Variants in MTOR observed in about 807,000 individuals in gnomAD.
MTOR encodes the protein mechanistic target of rapamycin kinase.
Under a neutral mutation model 319.8 loss-of-function variants are expected in MTOR, and 70 were observed. The ratio of observed to expected loss-of-function variants is 0.22; its 90% CI spans 0.18 to 0.27. The LOEUF is 0.27. Ranked by LOEUF, MTOR falls within the 10% of genes least tolerant of loss-of-function variation. MTOR has a pLI of 1.00. For missense variants in MTOR, 1,890 were observed against 3,274.4 expected (o/e 0.58, Z 10.32); for synonymous variants, 1,183 against 1,211.4 (o/e 0.98, Z 0.49).
chr1:11,237,565 T>C (rs1647372951), intron 13 of MTOR, among the ~76,000 whole-genome samples: 2 of 151,636 alleles, frequency 1.3e-5, no homozygotes, highest in Non-Finnish European at 2.9e-5. Context: ...GGCCAAGAAA[T>C]GGGATCACTG....
chr1:11,201,737 A>G (rs888880051), intron 26 of MTOR, among the ~76,000 whole-genome samples: 2 of 152,202 alleles, frequency 1.3e-5, no homozygotes, highest in Admixed American at 1.3e-4. Context: ...TTTAATTTTC[A>G]ATTTTGTATT....
chr1:11,127,083 T>G lies in MTOR; in HGVS notation c.6278A>C (p.Asn2093Thr). The change falls in exon 45 of 58, where the codon AAT becomes ACT. Residue 2093 changes from asparagine (N) to threonine (T), a missense_variant. Coordinates refer to ENST00000361445, the MANE Select transcript of MTOR (RefSeq NM_004958.4). The surrounding 1 kb of genome is among the most constrained non-coding windows in gnomAD (Gnocchi z 5.5). ...CCAGGCTTGGGTGAGGTCCTTGACA[T>G]TCCCTGATTTCATGTACTTCCTGCA... ...EWCRKYMKSG[N>T]VKDLTQAWDL... is the part of the protein sequence containing the mutation. 1 of 1,614,194 alleles carries G rather than the reference T, an allele frequency of 6.2e-7. No individual in the cohort carries two copies. Among genetic ancestry groups the G allele is most frequent in the Non-Finnish European group, 8.5e-7 (1 of 1,180,032 alleles).
intron 26 of MTOR, among the ~76,000 whole-genome samples, chr1:11,202,531 T>C (rs1022411437): frequency 1.6e-4 from 25 of 151,604 alleles, no homozygotes; most frequent in Non-Finnish European, 1.5e-5. Context: ...ATTCAGGTGA[T>C]GGTTCTACGA....
At chr1:11,237,648 C>G (rs1428189561) in intron 13 of MTOR, among the ~76,000 whole-genome samples, 195 bp downstream of exon 13, 1 of 152,090 alleles carries the variant, frequency 6.6e-6, no homozygotes, top group Non-Finnish European at 1.5e-5. Flanking sequence ...TGACAAAGGG[C>G]TCATGAGGTG....
chr1:11,177,285 C>T (rs1050020809), intron 28 of MTOR, among the ~76,000 whole-genome samples: 10 of 152,086 alleles, frequency 6.6e-5, no homozygotes, highest in African/African-American at 1.9e-4. Flanking sequence ...TGGCTAGGCG[C>T]GGTGGCTCAT....
At chr1:11,120,069 TTA>T (rs919746331) in intron 49 of MTOR, among the ~76,000 whole-genome samples, 27 of 147,376 alleles carry the variant, frequency 1.8e-4, no homozygotes, top group Admixed American at 5.4e-4. Flanking sequence ...AAAAAAAAAT[TTA>T]TATATATATA....
rs2100854366 is a variant in MTOR, at chr1:11,228,685, C to G, written c.3013G>C (p.Asp1005His). ...GTACTTACTTCCCGGATGGCCCCAT[C>G]ACAGACTCGAATGACGTTAAGGAAC... Reference protein sequence around the residue: ...PTFLNVIRVCDGAIREFLFQQ... With the variant: ...PTFLNVIRVCHGAIREFLFQQ... The change falls in exon 19 of 58, where the codon GAT becomes CAT. Residue 1005 changes from aspartate to histidine, a missense_variant. This residue lies in a region of MTOR where 377 missense variants were observed against 653.9 expected (regional missense o/e 0.58). Coordinates refer to ENST00000361445, the MANE Select transcript of MTOR (RefSeq NM_004958.4). The G allele has an allele frequency of 6.2e-7, 1 of 1,614,030 alleles. No individual in the cohort carries two copies. The highest frequency in any genetic ancestry group is 8.5e-7 in the Non-Finnish European group (1 of 1,179,980).
chr1:11,210,706 C>G (rs983623466), intron 24 of MTOR, 108 bp downstream of exon 24: 9 of 829,358 alleles, frequency 1.1e-5, no homozygotes, highest in Admixed American at 8.1e-5. Context: ...GTTTGCCAAT[C>G]CCTAATTTAC....
intron 6 of MTOR, among the ~76,000 whole-genome samples, chr1:11,253,521 C>T (rs1649970538): frequency 6.6e-6 from 1 of 152,088 alleles, no homozygotes; most frequent in Admixed American, 6.6e-5. Context: ...ACTCTTCCAC[C>T]TCAAAGCCTC....
chr1:11,182,881 G>A (rs116470319), intron 28 of MTOR, among the ~76,000 whole-genome samples: 1,858 of 152,318 alleles, frequency 0.012, 47 homozygotes, highest in African/African-American at 0.041. Flanking sequence ...TGAACACTTG[G>A]ATTGTTTTCA....
Position 11,228,679 on chromosome 1 carries a change from C to A in MTOR, c.3019G>T (p.Ala1007Ser), listed in dbSNP as rs778161719. The A allele has an allele frequency of 6.2e-7, 1 of 1,613,872 alleles. No homozygotes were observed. Among genetic ancestry groups the A allele is most frequent in the Admixed American group, 1.7e-5 (1 of 60,010 alleles). Residue 1007 changes from alanine (A) to serine (S), a missense_variant, in exon 19 of 58, where the codon GCC becomes TCC. Coordinates refer to ENST00000361445, the MANE Select transcript of MTOR (RefSeq NM_004958.4). ...FLNVIRVCDG[A>S]IREFLFQQLG... is the part of the protein sequence containing the mutation. ...TTTGAGGTACTTACTTCCCGGATGG[C>A]CCCATCACAGACTCGAATGACGTTA...
In MTOR at chr1:11,232,525, T is replaced by C; in HGVS notation, c.2425A>G (p.Ser809Gly). Residue 809 changes from serine (S) to glycine (G), a missense_variant, in exon 16 of 58, where the codon AGT becomes GGT. Ser to Gly is a moderately conservative substitution (Grantham distance 56). Around this residue, in one of 15 missense-constraint regions of MTOR, gnomAD observed 377 missense variants for 653.9 expected, o/e 0.58. Coordinates refer to ENST00000361445, the MANE Select transcript of MTOR (RefSeq NM_004958.4). ...ACCCATTTCCTCATTTCCAGGCCAC[T>C]AACCTGCAAAATGAAAAAGAGGGTG... The part of the protein sequence containing the change: ...LATIGELAQV[S>G]GLEMRKWVDE... 1.9e-6 allele frequency: 3 copies of C among 1,612,140 alleles called. No individual in the cohort carries two copies. Among genetic ancestry groups the C allele is most frequent in the Non-Finnish European group, 2.5e-6 (3 of 1,178,372 alleles).
chr1:11,244,438 G>A (rs1648544249), intron 8 of MTOR, among the ~76,000 whole-genome samples: 1 of 152,042 alleles, frequency 6.6e-6, no homozygotes. Context: ...TTTGAGACCA[G>A]CCTGCACAAC....
intron 3 of MTOR, among the ~76,000 whole-genome samples, chr1:11,257,511 C>T (rs1225746145): frequency 7.1e-6 from 1 of 141,510 alleles, no homozygotes; most frequent in East Asian, 2.1e-4. Context: ...TGCAGTAAGC[C>T]GAGACTGCAC....
chr1:11,197,830 A>G (rs1645836441), intron 28 of MTOR, among the ~76,000 whole-genome samples: 1 of 152,110 alleles, frequency 6.6e-6, no homozygotes, highest in South Asian at 2.1e-4. Flanking sequence ...GGTGTGAACT[A>G]CCCCGCCCGG....
chr1:11,143,628 G>C (rs1004910744), intron 34 of MTOR, among the ~76,000 whole-genome samples: 1 of 152,210 alleles, frequency 6.6e-6, no homozygotes, highest in African/African-American at 2.4e-5. Flanking sequence ...TTCCTGTCCA[G>C]GGGAATGTGC....
chr1:11,189,767 T>G, intron 28 of MTOR: 1 of 1,614,180 alleles, frequency 6.2e-7, no homozygotes, highest in Non-Finnish European at 8.5e-7. Context: ...AGCAGCCTGC[T>G]GAGTGAACTG....
chr1:11,110,748 G>T (rs564635866), intron 54 of MTOR, among the ~76,000 whole-genome samples: 3 of 151,964 alleles, frequency 2.0e-5, no homozygotes, highest in African/African-American at 7.2e-5. Context: ...TTTGAGACAG[G>T]GTCTTGCTGT....
chr1:11,161,412 C>T (rs562650585), intron 29 of MTOR, among the ~76,000 whole-genome samples: 2 of 152,154 alleles, frequency 1.3e-5, no homozygotes, highest in Non-Finnish European at 2.9e-5. Context: ...TAAATGTCCC[C>T]GTCTGACACC....
Sources: allele counts gnomAD v4.1 joint callset (sites outside exome capture counted in the v4.1 genomes callset), GRCh38; gene constraint gnomAD v4.1.1; regional missense constraint gnomAD v4.1.1; non-coding constraint Gnocchi (gnomAD v3.1); transcripts MANE v1.5; gene names NCBI Gene and HGNC (gene_info 2026-07-23, HGNC 2026-07-21).